The following NOS1AP variants were observed in gnomAD, a reference collection of about 807,000 sequenced individuals.
The protein encoded by NOS1AP is nitric oxide synthase 1 adaptor protein.
A neutral mutation model predicts 56.2 loss-of-function variants in NOS1AP; 21 were observed. That is an observed-to-expected ratio of 0.37 (90% CI 0.26 to 0.54). The LOEUF is 0.54. NOS1AP is among the 20% of genes least tolerant of loss of function. The probability of loss-of-function intolerance (pLI) is 0.84; values close to 1 mark genes in which losing one functional copy is unlikely to be tolerated. For missense variants in NOS1AP, 522 were observed against 657.8 expected (o/e 0.79, Z 2.26); for synonymous variants, 270 against 274.6 (o/e 0.98, Z 0.17).
rs145641148 is a variant in NOS1AP, at chr1:162,195,569, C to T, written c.177+41093C>T. Among the ~76,000 whole-genome samples, 35 of 152,256 alleles carry T rather than the reference C, an allele frequency of 2.3e-4. 1 individual carries two copies. The highest frequency in any genetic ancestry group is 6.8e-3 in the Middle Eastern group (2 of 294). On this transcript the variant is annotated intron_variant, in intron 2 of 9. Transcript: ENST00000361897. Reference sequence around the variant, plus strand: ...AAATTTGTTCCTCTTCTGCAATGCTCATCCTCTACTTCATGCAAACTGGGT... The same window carrying T: ...AAATTTGTTCCTCTTCTGCAATGCTTATCCTCTACTTCATGCAAACTGGGT...
chr1:162,323,214 G>A (rs1430506116), intron 4 of NOS1AP, among the ~76,000 whole-genome samples: 1 of 152,210 alleles, frequency 6.6e-6, no homozygotes, highest in Non-Finnish European at 1.5e-5. Context: ...GAAGGCAGCG[G>A]GAGCAGACTA....
intron 6 of NOS1AP, among the ~76,000 whole-genome samples, chr1:162,347,852 C>T (rs1341336871): frequency 6.6e-6 from 1 of 152,222 alleles, no homozygotes; most frequent in Non-Finnish European, 1.5e-5. Flanking sequence ...CAGTCAACGC[C>T]GTTCCCTCTG....
intron 1 of NOS1AP, among the ~76,000 whole-genome samples, chr1:162,128,161 T>C (rs796275197): frequency 1.3e-4 from 20 of 152,300 alleles, no homozygotes; most frequent in African/African-American, 4.3e-4. Context: ...GTAATTCATA[T>C]CTTTCATTCA....
At chr1:162,215,764 C>T (rs980670332) in intron 2 of NOS1AP, among the ~76,000 whole-genome samples, 1 of 152,208 alleles carries the variant, frequency 6.6e-6, no homozygotes, top group Non-Finnish European at 1.5e-5. Context: ...AGGCTCAAGC[C>T]AGGACTGTTG....
chr1:162,135,662 G>A (rs1401614677), intron 1 of NOS1AP, among the ~76,000 whole-genome samples: 1 of 152,168 alleles, frequency 6.6e-6, no homozygotes, highest in African/African-American at 2.4e-5. Flanking sequence ...CTGCCTTAAA[G>A]CATGAGGGTG....
At chr1:162,208,186 C>A (rs1652229152) in intron 2 of NOS1AP, among the ~76,000 whole-genome samples, 1 of 152,176 alleles carries the variant, frequency 6.6e-6, no homozygotes, top group Admixed American at 6.5e-5. Flanking sequence ...CCTGCCTATT[C>A]CAATCTTACC....
chr1:162,322,873 G>C (rs1422706653), intron 4 of NOS1AP, among the ~76,000 whole-genome samples: 1 of 152,218 alleles, frequency 6.6e-6, no homozygotes, highest in African/African-American at 2.4e-5. Flanking sequence ...TACGGGTAAT[G>C]AATGACATTC....
At chr1:162,250,997 G>A (rs1367954003) in intron 2 of NOS1AP, among the ~76,000 whole-genome samples, 1 of 152,140 alleles carries the variant, frequency 6.6e-6, no homozygotes, top group Non-Finnish European at 1.5e-5. Flanking sequence ...CACTGGGACT[G>A]CCTTGCCTGT....
Position 162,243,371 on chromosome 1 carries a change from G to A in NOS1AP, c.178-43973G>A, listed in dbSNP as rs150219988. Among the ~76,000 whole-genome samples, 656 of 152,190 alleles carry A rather than the reference G, an allele frequency of 4.3e-3. 1 individual carries two copies. The highest frequency in any genetic ancestry group is 6.5e-3 in the Non-Finnish European group (442 of 67,996). On this transcript the variant is annotated intron_variant, in intron 2 of 9. Coordinates refer to ENST00000361897, the MANE Select transcript of NOS1AP (RefSeq NM_014697.3). ...AGAGCAGTACCTCTCAGAGACCAGG[G>A]TATTCACTTCCTACATTCTGTGTCC...
At chr1:162,267,580 A>G (rs1210575193) in intron 2 of NOS1AP, among the ~76,000 whole-genome samples, 1 of 147,256 alleles carries the variant, frequency 6.8e-6, no homozygotes, top group Non-Finnish European at 1.5e-5. Flanking sequence ...ACTGGGCAAC[A>G]TAGACCCTGT....
chr1:162,121,764 G>A (rs1180904156), intron 1 of NOS1AP, among the ~76,000 whole-genome samples: 3 of 152,182 alleles, frequency 2.0e-5, no homozygotes, highest in Admixed American at 6.5e-5. Flanking sequence ...TTAGAAAAAG[G>A]ACTCCGGCTT....
chr1:162,143,519 A>G (rs913410012), intron 1 of NOS1AP, among the ~76,000 whole-genome samples: 4 of 152,156 alleles, frequency 2.6e-5, no homozygotes, highest in Non-Finnish European at 2.9e-5. Context: ...CAGTGGTGCA[A>G]TCATGGCCCA....
At chr1:162,217,283 A>ATTTTTTTTTTTTTTT (rs1652608954) in intron 2 of NOS1AP, among the ~76,000 whole-genome samples, 1 of 4,716 alleles carries the variant, frequency 2.1e-4, no homozygotes, top group African/African-American at 5.6e-4. Flanking sequence ...TTTTTTTTTG[A>ATTTTTTTTTTTTTTT]GATGAAGTCT....
At chr1:162,098,862 C>T (rs1330522798) in intron 1 of NOS1AP, among the ~76,000 whole-genome samples, 1 of 152,212 alleles carries the variant, frequency 6.6e-6, no homozygotes, top group Non-Finnish European at 1.5e-5. Flanking sequence ...TTTATGGCTG[C>T]ATAGTATCCC....
intron 2 of NOS1AP, among the ~76,000 whole-genome samples, chr1:162,228,192 T>C (rs974407976): frequency 2.6e-5 from 4 of 152,200 alleles, no homozygotes; most frequent in African/African-American, 9.6e-5. Context: ...AGAGGTTAGA[T>C]TGAGAAGCTC....
intron 1 of NOS1AP, among the ~76,000 whole-genome samples, chr1:162,117,876 C>T (rs778470208): frequency 2.0e-5 from 3 of 152,168 alleles, no homozygotes; most frequent in South Asian, 2.1e-4. Flanking sequence ...TCCACTGTCC[C>T]CTGGGAGCCT....
chr1:162,234,729 T>C (rs2101673339), intron 2 of NOS1AP, among the ~76,000 whole-genome samples: 1 of 152,254 alleles, frequency 6.6e-6, no homozygotes, highest in Non-Finnish European at 1.5e-5. Context: ...CCTGAGTCCA[T>C]TCCAGAAACC....
intron 1 of NOS1AP, among the ~76,000 whole-genome samples, chr1:162,114,720 C>T (rs1647866149): frequency 6.6e-6 from 1 of 152,158 alleles, no homozygotes; most frequent in South Asian, 2.1e-4. Flanking sequence ...AAAGTCAATC[C>T]CAGTGGTCTC....
chr1:162,343,710 T>G, intron 5 of NOS1AP, 125 bp from the exon 6 acceptor site: 1 of 1,049,688 alleles, frequency 9.5e-7, no homozygotes, highest in Non-Finnish European at 1.5e-6. Flanking sequence ...TTGCACTCAT[T>G]TGTATGTGCA....
Sources: gnomAD v4.1 joint callset for allele counts (sites outside exome capture counted in the v4.1 genomes callset) on GRCh38, gnomAD v4.1.1 for gene constraint, MANE v1.5 for transcripts, NCBI Gene and HGNC (gene_info 2026-07-23, HGNC 2026-07-21) for gene names.